Variants in DAPK1 observed in about 807,000 individuals in gnomAD.
The protein encoded by DAPK1 is death associated protein kinase 1.
Under a neutral mutation model 144.9 loss-of-function variants are expected in DAPK1, and 56 were observed. The ratio of observed to expected loss-of-function variants is 0.39; its 90% CI spans 0.31 to 0.48. The LOEUF is 0.48. Among genes scored for constraint, DAPK1 ranks in the 20% least tolerant of loss-of-function variants. The probability of loss-of-function intolerance (pLI) is 0.95; values close to 1 mark genes in which losing one functional copy is unlikely to be tolerated. For synonymous variants in DAPK1, 690 were observed against 749.0 expected, an observed-to-expected ratio of 0.92 and a Z score of 1.29; for missense variants, 1,454 against 1,875.4, an observed-to-expected ratio of 0.78 and a Z score of 4.15.
chr9:87,678,322 T>A (rs1209299588), intron 19 of DAPK1, among the ~76,000 whole-genome samples: 3 of 152,190 alleles, frequency 2.0e-5, no homozygotes, highest in Non-Finnish European at 1.5e-5. Flanking sequence ...AGCATGCGCA[T>A]AGTGAAATAT....
intron 2 of DAPK1, among the ~76,000 whole-genome samples, chr9:87,587,914 T>C (rs1180280792): frequency 6.6e-6 from 1 of 152,230 alleles, no homozygotes; most frequent in East Asian, 1.9e-4. Context: ...AGCAACTATA[T>C]ACAATAATAG....
At chr9:87,583,973 T>C (rs1282087860) in intron 2 of DAPK1, among the ~76,000 whole-genome samples, 1 of 152,240 alleles carries the variant, frequency 6.6e-6, no homozygotes, top group African/African-American at 2.4e-5. Flanking sequence ...TCATAATCTC[T>C]ATTTTTATTT....
chr9:87,696,092 T>G (rs1201335755), intron 21 of DAPK1, among the ~76,000 whole-genome samples: 3 of 152,202 alleles, frequency 2.0e-5, no homozygotes, highest in Non-Finnish European at 2.9e-5. Context: ...ATCTTTGTTT[T>G]TTCCCCAGGT....
intron 2 of DAPK1, among the ~76,000 whole-genome samples, chr9:87,542,501 A>G (rs1826091619): frequency 6.6e-6 from 1 of 152,192 alleles, no homozygotes; most frequent in African/African-American, 2.4e-5. Flanking sequence ...TCCTTACCTT[A>G]CCAGAGCTGT....
chr9:87,519,448 T>A (rs1825210010), intron 2 of DAPK1, among the ~76,000 whole-genome samples: 1 of 152,164 alleles, frequency 6.6e-6, no homozygotes, highest in Non-Finnish European at 1.5e-5. Flanking sequence ...ATTGGTTGAT[T>A]TCCTATGATT....
In DAPK1 at chr9:87,706,536, G is replaced by T; in HGVS notation, c.3465G>T (p.Trp1155Cys). The T allele has an allele frequency of 6.2e-7, 1 of 1,614,156 alleles. No individual in the cohort carries two copies. The highest frequency in any genetic ancestry group is 8.5e-7 in the Non-Finnish European group (1 of 1,179,986). Residue 1155 changes from tryptophan to cysteine, a missense_variant, in exon 26 of 26, where the codon TGG becomes TGT. Transcript: ENST00000408954. This position sits in a 1 kb window ranked among gnomAD's most constrained non-coding sequence, Gnocchi z 9.0. The stretch of plus-strand genomic sequence containing the variant: ...AGGTCCAGGTGAACCTGTGCCGGTG[G>T]ATCCACCAGCAAAGCACAGAGGGCG... Reference protein sequence around the residue: ...FHKVQVNLCRWIHQQSTEGDA... With the variant: ...FHKVQVNLCRCIHQQSTEGDA...
chr9:87,516,239 A>C (rs534958207), intron 2 of DAPK1, among the ~76,000 whole-genome samples: 1 of 152,226 alleles, frequency 6.6e-6, no homozygotes, highest in Admixed American at 6.5e-5. Context: ...ACTGGATTCC[A>C]GATCCTCTTG....
intron 3 of DAPK1, chr9:87,632,427 A>G: frequency 2.0e-6 from 2 of 983,732 alleles, no homozygotes; most frequent in Non-Finnish European, 2.4e-6. Context: ...AAGGAGGATA[A>G]GTGTGTATGT....
chr9:87,649,875 C>T, intron 15 of DAPK1, 46 bp from the exon 16 acceptor site: 1 of 1,595,014 alleles, frequency 6.3e-7, no homozygotes, highest in Non-Finnish European at 8.6e-7. Context: ...TACTTTGTTT[C>T]TCATTATTGT....
intron 2 of DAPK1, among the ~76,000 whole-genome samples, chr9:87,515,542 G>A (rs1343858512): frequency 6.6e-6 from 1 of 152,116 alleles, no homozygotes; most frequent in African/African-American, 2.4e-5. Flanking sequence ...GTCAGTGGTG[G>A]GAGCCATGAG....
At chr9:87,638,200 C>A in intron 4 of DAPK1, 119 bp downstream of exon 4, 1 of 1,109,734 alleles carries the variant, frequency 9.0e-7, no homozygotes, top group South Asian at 1.8e-5. Context: ...ACCAGTTTAA[C>A]AAACAGAAAT....
intron 1 of DAPK1, among the ~76,000 whole-genome samples, chr9:87,498,347 G>C (rs766858918): frequency 2.0e-5 from 3 of 152,194 alleles, no homozygotes; most frequent in Non-Finnish European, 2.9e-5. Flanking sequence ...GGGGCGCGAG[G>C]ATCTGGAGCG....
chr9:87,513,314 A>G (rs1180838740), intron 2 of DAPK1, among the ~76,000 whole-genome samples: 1 of 152,210 alleles, frequency 6.6e-6, no homozygotes, highest in Non-Finnish European at 1.5e-5. Flanking sequence ...TGCACAACCA[A>G]CAGTATTGGA....
intron 18 of DAPK1, among the ~76,000 whole-genome samples, chr9:87,660,292 C>T (rs1426561802): frequency 2.0e-5 from 3 of 151,928 alleles, no homozygotes; most frequent in Non-Finnish European, 4.4e-5. Flanking sequence ...TCCGCAGGGC[C>T]GGGGAGACCC....
At chr9:87,544,741 G>A (rs1826177695) in intron 2 of DAPK1, among the ~76,000 whole-genome samples, 1 of 152,082 alleles carries the variant, frequency 6.6e-6, no homozygotes, top group Admixed American at 6.6e-5. Context: ...TGGGAACAAG[G>A]GACAGCTGGA....
intron 21 of DAPK1, among the ~76,000 whole-genome samples, chr9:87,689,851 C>T (rs972800136): frequency 3.3e-5 from 5 of 152,072 alleles, no homozygotes; most frequent in African/African-American, 1.2e-4. Flanking sequence ...CTATTCTGTT[C>T]CATTGGTCTA....
At chr9:87,695,579 C>T (rs1394424102) in intron 21 of DAPK1, among the ~76,000 whole-genome samples, 1 of 152,098 alleles carries the variant, frequency 6.6e-6, no homozygotes, top group Non-Finnish European at 1.5e-5. Context: ...AGCAATTGCC[C>T]CCACATACAA....
chr9:87,605,173 A>G lies in DAPK1; in HGVS notation c.282A>G (p.Glu94=), dbSNP rs372830870. Residue 94 remains glutamate (E), a splice_region_variant and synonymous_variant, in exon 3 of 26, where the codon GAA becomes GAG. Coordinates refer to ENST00000408954, the MANE Select transcript of DAPK1 (RefSeq NM_004938.4). ...AGACGGACGTCATCCTGATCTTGGA[A>G]CTGTGAGTGCCGCCTGGGCCAGGCT... ...ENKTDVILIL[E]LVAGGELFDF... 1.2e-6 allele frequency: 2 copies of G among 1,611,810 alleles called. No homozygotes were observed. The highest frequency in any genetic ancestry group is 2.2e-5 in the East Asian group (1 of 44,784).
At chr9:87,516,539 A>G (rs1246407751) in intron 2 of DAPK1, among the ~76,000 whole-genome samples, 2 of 151,368 alleles carry the variant, frequency 1.3e-5, no homozygotes, top group Non-Finnish European at 2.9e-5. Flanking sequence ...ACTGCCTAAT[A>G]GCTGTGATTT....
Sources: allele counts gnomAD v4.1 joint callset (sites outside exome capture counted in the v4.1 genomes callset), GRCh38; gene constraint gnomAD v4.1.1; non-coding constraint Gnocchi (gnomAD v3.1); transcripts MANE v1.5; gene names NCBI Gene and HGNC (gene_info 2026-07-23, HGNC 2026-07-21).